Variants in ASAP2 observed in about 807,000 individuals in gnomAD.
The protein encoded by ASAP2 is arf-GAP with SH3 domain, ANK repeat and PH domain-containing protein 2.
In ASAP2, 45 loss-of-function variants were observed where a neutral mutation model predicts 131.4. That is an observed-to-expected ratio of 0.34 (90% CI 0.27 to 0.44). The LOEUF is 0.44. Among genes scored for constraint, ASAP2 ranks in the 20% least tolerant of loss-of-function variants. The pLI is 1.00. For missense variants in ASAP2, 1,011 were observed against 1,297.0 expected, an observed-to-expected ratio of 0.78 and a Z score of 3.39; for synonymous variants, 510 against 503.0, an observed-to-expected ratio of 1.01 and a Z score of -0.19.
intron 1 of ASAP2, among the ~76,000 whole-genome samples, chr2:9,253,172 TTC>T (rs1218621799): frequency 1.4e-4 from 21 of 151,378 alleles, no homozygotes; most frequent in South Asian, 6.2e-4. Flanking sequence ...TTGTTTTTGT[TTC>T]TGTTTTTTTA....
At chr2:9,386,035 C>T (rs1454271545) in intron 21 of ASAP2, among the ~76,000 whole-genome samples, 3 of 152,176 alleles carry the variant, frequency 2.0e-5, no homozygotes, top group East Asian at 1.9e-4. Context: ...CTCCTAGCCG[C>T]GACCCACTTC....
Position 9,323,188 on chromosome 2 carries a change from G to A in ASAP2, c.538G>A (p.Gly180Arg), listed in dbSNP as rs1670259535. ...TGGGATGATTCGGACTGAAATAAGC[G>A]GAGCGGAAATTGCCGAAGAGATGGA... is the stretch of plus-strand genomic sequence containing the variant. ...LHGMIRTEIS[G>R]AEIAEEMEKE... Residue 180 changes from glycine to arginine, a missense_variant, in exon 6 of 28, where the codon GGA becomes AGA. Transcript: ENST00000281419. 2 of 1,614,232 alleles carry A rather than the reference G, an allele frequency of 1.2e-6. No homozygotes were observed. Among genetic ancestry groups the A allele is most frequent in the Non-Finnish European group, 1.7e-6 (2 of 1,180,042 alleles).
chr2:9,276,528 A>G (rs7596770), intron 1 of ASAP2, among the ~76,000 whole-genome samples: 144,461 of 152,158 alleles, frequency 0.95, 68,831 homozygotes, highest in Non-Finnish European at 1. Flanking sequence ...TTCCTGTGTC[A>G]TCTTTTTTTT....
chr2:9,395,887 T>G (rs868001118), intron 24 of ASAP2, among the ~76,000 whole-genome samples: 1 of 152,000 alleles, frequency 6.6e-6, no homozygotes, highest in African/African-American at 2.4e-5. Context: ...GATTACAGGC[T>G]TGAGCCACTG....
chr2:9,327,730 C>T, intron 6 of ASAP2, 96 bp from the exon 7 acceptor site: 1 of 855,024 alleles, frequency 1.2e-6, no homozygotes, highest in South Asian at 1.7e-5. Flanking sequence ...GTAAAAGATG[C>T]CAAAGAAGTA....
intron 3 of ASAP2, among the ~76,000 whole-genome samples, chr2:9,316,935 A>G (rs1669714219): frequency 1.2e-5 from 1 of 82,724 alleles, no homozygotes; most frequent in Admixed American, 1.4e-4. Context: ...CCTCACAATC[A>G]CACCCTCACT....
intron 24 of ASAP2, among the ~76,000 whole-genome samples, chr2:9,394,688 C>T (rs1333912119): frequency 6.6e-6 from 1 of 152,216 alleles, no homozygotes; most frequent in Non-Finnish European, 1.5e-5. Context: ...CATGAGTTCA[C>T]ATTGACATCT....
Position 9,254,832 on chromosome 2 carries a change from G to A in ASAP2, c.127-24485G>A, listed in dbSNP as rs142195073. Among the ~76,000 whole-genome samples, 127 of 152,258 alleles carry A rather than the reference G, an allele frequency of 8.3e-4. 1 individual carries two copies. The Middle Eastern group carries it at 0.024, about 29-fold the overall frequency. On this transcript the variant is annotated intron_variant, in intron 1 of 27. Coordinates refer to ENST00000281419, the MANE Select transcript of ASAP2 (RefSeq NM_003887.3). Reference sequence around the variant, plus strand: ...TTGTTATCAGTTCACCAAGTGATGGGCATTTGGGTTCTTTCCAGTTTTTGG... The same window carrying A: ...TTGTTATCAGTTCACCAAGTGATGGACATTTGGGTTCTTTCCAGTTTTTGG...
intron 6 of ASAP2, among the ~76,000 whole-genome samples, chr2:9,323,556 G>A (rs983143889): frequency 1.3e-5 from 2 of 152,236 alleles, no homozygotes; most frequent in African/African-American, 4.8e-5. Context: ...GTATTTAAAT[G>A]AGATCTCTGA....
chr2:9,342,659 A>G (rs1189037848), intron 9 of ASAP2, among the ~76,000 whole-genome samples: 1 of 152,224 alleles, frequency 6.6e-6, no homozygotes. Flanking sequence ...GGTAAATGGG[A>G]CTTCATTAAA....
intron 1 of ASAP2, among the ~76,000 whole-genome samples, chr2:9,231,567 C>T (rs1165858800): frequency 6.6e-6 from 1 of 152,162 alleles, no homozygotes; most frequent in Non-Finnish European, 1.5e-5. Flanking sequence ...ATTGAGATGC[C>T]CGGGTGCCGC....
intron 1 of ASAP2, among the ~76,000 whole-genome samples, chr2:9,263,323 C>T (rs1026082188): frequency 6.6e-6 from 1 of 152,222 alleles, no homozygotes; most frequent in African/African-American, 2.4e-5. Context: ...CCCCTTGTGC[C>T]ACTGTGGCTC....
chr2:9,261,082 G>A (rs1429541856), intron 1 of ASAP2, among the ~76,000 whole-genome samples: 1 of 152,194 alleles, frequency 6.6e-6, no homozygotes, highest in Admixed American at 6.5e-5. Context: ...AGAGCCACTG[G>A]CAGCTTTCTT....
chr2:9,328,159 A>G (rs1304983461), intron 7 of ASAP2, among the ~76,000 whole-genome samples: 1 of 152,168 alleles, frequency 6.6e-6, no homozygotes, highest in Non-Finnish European at 1.5e-5. Flanking sequence ...ATCCACAGAG[A>G]CAGAAAGCAG....
chr2:9,294,702 A>G (rs886242238), intron 2 of ASAP2, among the ~76,000 whole-genome samples: 2 of 152,198 alleles, frequency 1.3e-5, no homozygotes, highest in African/African-American at 4.8e-5. Flanking sequence ...AGCAACACTG[A>G]GGTCCAGTCC....
intron 1 of ASAP2, among the ~76,000 whole-genome samples, chr2:9,245,731 C>G (rs1664291454): frequency 6.6e-6 from 1 of 152,178 alleles, no homozygotes; most frequent in Admixed American, 6.5e-5. Flanking sequence ...CCTCCCGTCT[C>G]TGCAGTCTGA....
At chr2:9,210,768 A>G (rs906654456) in intron 1 of ASAP2, among the ~76,000 whole-genome samples, 2 of 151,876 alleles carry the variant, frequency 1.3e-5, no homozygotes, top group African/African-American at 4.8e-5. Context: ...GTTAGCCAGG[A>G]TGGTCGATGG....
chr2:9,346,853 C>T (rs942431166), intron 11 of ASAP2, among the ~76,000 whole-genome samples: 39 of 152,250 alleles, frequency 2.6e-4, no homozygotes, highest in Admixed American at 1.8e-3. Context: ...AACTTCACTT[C>T]GAGTCACTTC....
chr2:9,252,743 GTC>G (rs1180163174), intron 1 of ASAP2, among the ~76,000 whole-genome samples: 2 of 151,822 alleles, frequency 1.3e-5, no homozygotes, highest in Admixed American at 1.3e-4. Context: ...GTGAAACCCT[GTC>G]TCTACTAAAA....
Sources: gnomAD v4.1 joint callset for allele counts (sites outside exome capture counted in the v4.1 genomes callset) on GRCh38, gnomAD v4.1.1 for gene constraint, MANE v1.5 for transcripts, NCBI Gene and HGNC (gene_info 2026-07-23, HGNC 2026-07-21) for gene names.